Variants in LCMT1 observed in about 807,000 individuals in gnomAD.
LCMT1 encodes [Phosphatase 2A protein]-leucine-carboxy methyltransferase 1.
Under a neutral mutation model 47.7 loss-of-function variants are expected in LCMT1, and 32 were observed. The observed-to-expected ratio is 0.67, with a 90% CI of 0.51 to 0.90. The LOEUF is 0.90. Ranked by LOEUF, LCMT1 falls within the 40% of genes least tolerant of loss-of-function variation. The pLI, the probability that LCMT1 is intolerant of heterozygous loss-of-function variation, is 0.00. For missense variants in LCMT1, 375 were observed against 415.2 expected (o/e 0.90, Z 0.84); for synonymous variants, 152 against 149.7 (o/e 1.02, Z -0.11).
At chr16:25,166,130 C>A (rs1961581371) in intron 7 of LCMT1, among the ~76,000 whole-genome samples, 1 of 151,810 alleles carries the variant, frequency 6.6e-6, no homozygotes, top group Non-Finnish European at 1.5e-5. Flanking sequence ...ATTAGCCAGG[C>A]ATGGTGGCGG....
chr16:25,153,600 G>A (rs1001113644), intron 5 of LCMT1, among the ~76,000 whole-genome samples: 2 of 152,142 alleles, frequency 1.3e-5, no homozygotes, highest in South Asian at 2.1e-4. Flanking sequence ...AACGAACTTC[G>A]GAGGGACACA....
chr16:25,168,967 G>T (rs1961667655), intron 7 of LCMT1, 145 bp from the exon 8 acceptor site: 2 of 626,208 alleles, frequency 3.2e-6, no homozygotes, highest in South Asian at 1.8e-5. Flanking sequence ...CACCGTGCTG[G>T]TGCCCGCCCC....
rs150121378 is a variant in LCMT1, at chr16:25,115,467, A to G, written c.113+3471A>G. On this transcript the variant is annotated intron_variant, in intron 1 of 10. Coordinates refer to ENST00000399069, the MANE Select transcript of LCMT1 (RefSeq NM_016309.3). ...GCTACGATCATGTCAGCCAACCTCA[A>G]CTGTGCCCTTAACAGAACCTGACTA... 2.1e-4 allele frequency among the ~76,000 whole-genome samples: 32 copies of G among 152,218 alleles called. No individual in the cohort carries two copies. The East Asian group carries it at 6.2e-3, about 29-fold the overall frequency.
chr16:25,127,730 A>G lies in LCMT1; in HGVS notation c.114-745A>G, dbSNP rs1475678882. On this transcript the variant is annotated intron_variant, in intron 1 of 10. Coordinates refer to ENST00000399069, the MANE Select transcript of LCMT1 (RefSeq NM_016309.3). ...TGAAGGCACTTATCTCACAAAATCGATGTTCAGAGGTAGAGCAGTCTGCAG... is the reference window on the plus strand; with the variant it reads ...TGAAGGCACTTATCTCACAAAATCGGTGTTCAGAGGTAGAGCAGTCTGCAG... 2.0e-5 allele frequency among the ~76,000 whole-genome samples: 3 copies of G among 152,142 alleles called. No homozygotes were observed. The East Asian group carries it at 5.8e-4, about 29-fold the overall frequency.
rs763532285 is a variant in LCMT1, at chr16:25,178,138, T to G, written c.*115T>G. On this transcript the variant is annotated 3_prime_UTR_variant, in exon 11 of 11. Transcript: ENST00000399069. ...GTCCGCAGGTCTCATCCCACACTCT[T>G]GAGAAGCCTTGGTCACTACAGTGGT... 6.2e-5 allele frequency: 55 copies of G among 881,460 alleles called. 2 individuals carry two copies. In the South Asian group the frequency reaches 7.9e-4, roughly 13 times the overall value. 54.6% of individuals were successfully genotyped at this position (881,460 alleles called of 1,614,324 possible). A position where few individuals can be genotyped will look rare whatever the true frequency, so the allele number is the denominator to read the frequency against.
chr16:25,168,998 G>C, intron 7 of LCMT1, 114 bp from the exon 8 acceptor site: 1 of 744,228 alleles, frequency 1.3e-6, no homozygotes, highest in Non-Finnish European at 2.3e-6. Flanking sequence ...TCCTATGCTG[G>C]GTGTGCGTCA....
rs1323217864 is a variant in LCMT1 at position 25,132,443 on chromosome 16, G to A, written c.247G>A (p.Ala83Thr). The change falls in exon 3 of 11, where the codon GCA becomes ACA. Residue 83 changes from alanine (A) to threonine (T), a missense_variant. Physicochemically the swap from Ala to Thr is moderately conservative, Grantham distance 58 (BLOSUM62 0). Transcript: ENST00000399069. Reference protein sequence around the residue: ...RVHGVSQLIKAFLRKTECHCQ... With the variant: ...RVHGVSQLIKTFLRKTECHCQ... The stretch of plus-strand genomic sequence containing the variant: ...CCATGGTGTCAGTCAGCTTATAAAG[G>A]CATTTCTACGGAAGACAGAATGTCA... The A allele has an allele frequency of 3.1e-6, 5 of 1,613,684 alleles. No individual in the cohort carries two copies. Among genetic ancestry groups the A allele is most frequent in the Non-Finnish European group, 4.2e-6 (5 of 1,179,828 alleles).
chr16:25,140,094 C>T, intron 3 of LCMT1, 77 bp from the exon 4 acceptor site: 1 of 1,036,022 alleles, frequency 9.7e-7, no homozygotes, highest in Non-Finnish European at 1.5e-6. Context: ...CTCTTAGGTG[C>T]CTAGTGCTTG....
intron 6 of LCMT1, among the ~76,000 whole-genome samples, chr16:25,162,101 CA>C (rs1961449049): frequency 6.6e-6 from 1 of 152,140 alleles, no homozygotes; most frequent in African/African-American, 2.4e-5. Flanking sequence ...GTGTACCATA[CA>C]TAGCAGTTCC....
chr16:25,138,777 G>A (rs537256241), intron 3 of LCMT1, among the ~76,000 whole-genome samples: 3 of 152,230 alleles, frequency 2.0e-5, no homozygotes, highest in South Asian at 2.1e-4. Context: ...TATTCAAAAC[G>A]CAGTATACCT....
intron 1 of LCMT1, 40 bp downstream of exon 1, chr16:25,112,036 C>G (rs759333403): frequency 2.2e-5 from 31 of 1,407,884 alleles, no homozygotes; most frequent in African/African-American, 7.1e-5. Flanking sequence ...GCATCTGGGG[C>G]GCGGGCCTAG....
intron 5 of LCMT1, among the ~76,000 whole-genome samples, chr16:25,157,982 GA>G (rs35621672): frequency 6.6e-6 from 1 of 151,666 alleles, no homozygotes; most frequent in African/African-American, 2.4e-5. Flanking sequence ...TTAGTCATTT[GA>G]AAAAAAAGTA....
chr16:25,143,191 G>T (rs1960747664), intron 4 of LCMT1: 1 of 152,136 alleles, frequency 6.6e-6, no homozygotes. Flanking sequence ...CACCTAACAG[G>T]AGGTCAGTGG....
At chr16:25,114,486 T>C (rs76183980) in intron 1 of LCMT1, among the ~76,000 whole-genome samples, 36 of 152,300 alleles carry the variant, frequency 2.4e-4, no homozygotes, top group African/African-American at 7.5e-4. Flanking sequence ...TAGGTATCAA[T>C]TGAGCACTTT....
At chr16:25,148,403 A>G (rs1960943312) in intron 4 of LCMT1, among the ~76,000 whole-genome samples, 1 of 152,234 alleles carries the variant, frequency 6.6e-6, no homozygotes, top group Non-Finnish European at 1.5e-5. Context: ...AACACTGAAC[A>G]GACAGAGAAA....
chr16:25,144,192 T>A (rs1311270028), intron 4 of LCMT1: 1 of 151,868 alleles, frequency 6.6e-6, no homozygotes, highest in Non-Finnish European at 1.5e-5. Context: ...ACTGTTAACA[T>A]TCCCTTTTCC....
rs144381660 is a variant in LCMT1, at chr16:25,139,339, A to G, written c.328-832A>G. On this transcript the variant is annotated intron_variant, in intron 3 of 10. Coordinates refer to ENST00000399069, the MANE Select transcript of LCMT1 (RefSeq NM_016309.3). ...TCCAAGAGTGCCTGTTCTTTAATCT[A>G]TCATACTTCACTATCACAGAGAAAA... Among the ~76,000 whole-genome samples, 915 of 152,186 alleles carry G rather than the reference A, an allele frequency of 6.0e-3. 33 individuals carry two copies. Among genetic ancestry groups the G allele is most frequent in the Admixed American group, 0.055 (846 of 15,292 alleles).
intron 4 of LCMT1, chr16:25,145,812 G>A (rs1960831155): frequency 6.6e-6 from 1 of 152,248 alleles, no homozygotes. Flanking sequence ...CAGGCTTCAG[G>A]TCTGTCTTTA....
intron 5 of LCMT1, 96 bp downstream of exon 5, chr16:25,151,711 G>GTGTGTGTGTT (rs1961088492): frequency 1.3e-5 from 10 of 786,282 alleles, no homozygotes; most frequent in Non-Finnish European, 1.9e-5. Context: ...GTGTGTGTGT[G>GTGTGTGTGTT]TGTGTGTGTG....
Sources: allele counts gnomAD v4.1 joint callset (sites outside exome capture counted in the v4.1 genomes callset), GRCh38; gene constraint gnomAD v4.1.1; transcripts MANE v1.5; gene names NCBI Gene and HGNC (gene_info 2026-07-23, HGNC 2026-07-21).